The following CCSER1 variants were observed in gnomAD, a reference collection of about 807,000 sequenced individuals.
The protein encoded by CCSER1 is coiled-coil serine rich protein 1.
In CCSER1, 41 loss-of-function variants were observed where a neutral mutation model predicts 82.0. The observed-to-expected ratio is 0.50, with a 90% CI of 0.39 to 0.65. The LOEUF is 0.65. Ranked by LOEUF, CCSER1 falls within the 30% of genes least tolerant of loss-of-function variation. The probability of loss-of-function intolerance (pLI) is 0.00; values close to 1 mark genes in which losing one functional copy is unlikely to be tolerated. For synonymous variants in CCSER1, 414 were observed against 383.9 expected (o/e 1.08, Z -0.92); for missense variants, 1,119 against 1,064.2 (o/e 1.05, Z -0.72).
chr4:91,346,150 G>T (rs1748039393), intron 10 of CCSER1, among the ~76,000 whole-genome samples: 2 of 151,238 alleles, frequency 1.3e-5, no homozygotes, highest in Admixed American at 6.6e-5. Flanking sequence ...CAGCCTCCTT[G>T]GGACTACAGG....
chr4:91,250,689 G>A (rs900054851), intron 10 of CCSER1, among the ~76,000 whole-genome samples: 2 of 149,754 alleles, frequency 1.3e-5, no homozygotes, highest in African/African-American at 4.9e-5. Flanking sequence ...TGGTAGTTCT[G>A]TTCTCAGAGT....
intron 9 of CCSER1, among the ~76,000 whole-genome samples, chr4:91,071,167 T>C (rs1428062150): frequency 6.6e-6 from 1 of 152,212 alleles, no homozygotes; most frequent in Non-Finnish European, 1.5e-5. Flanking sequence ...CCTAGCATCA[T>C]GCACCAAGCA....
intron 9 of CCSER1, among the ~76,000 whole-genome samples, chr4:91,033,419 G>A (rs1741157685): frequency 1.3e-5 from 2 of 152,118 alleles, no homozygotes; most frequent in African/African-American, 2.4e-5. Context: ...CTCTTCCTTT[G>A]CACTCCAGTC....
chr4:90,352,022 C>T (rs1391669681), intron 3 of CCSER1, among the ~76,000 whole-genome samples: 1 of 152,124 alleles, frequency 6.6e-6, no homozygotes, highest in African/African-American at 2.4e-5. Context: ...TCTATGTTCT[C>T]ATTAAAAAAT....
At chr4:91,546,400 A>G (rs1307245191) in intron 10 of CCSER1, among the ~76,000 whole-genome samples, 1 of 151,946 alleles carries the variant, frequency 6.6e-6, no homozygotes, top group Non-Finnish European at 1.5e-5. Context: ...TTTTTTTGGA[A>G]TTTTATTTAT....
intron 10 of CCSER1, among the ~76,000 whole-genome samples, chr4:91,329,368 T>A (rs1350362040): frequency 1.3e-5 from 2 of 152,210 alleles, no homozygotes; most frequent in Admixed American, 6.5e-5. Context: ...GAATTCACAA[T>A]AAAATGTTAA....
chr4:91,095,808 A>G (rs1169102533), intron 10 of CCSER1, among the ~76,000 whole-genome samples: 3 of 151,812 alleles, frequency 2.0e-5, no homozygotes, highest in Non-Finnish European at 4.4e-5. Context: ...TAACCTCTCC[A>G]TATCTGGTCC....
intron 10 of CCSER1, among the ~76,000 whole-genome samples, chr4:91,220,637 C>T (rs897172995): frequency 3.3e-5 from 5 of 152,138 alleles, no homozygotes; most frequent in African/African-American, 7.2e-5. Context: ...AGTTCAACAA[C>T]GGTAGCAGTG....
intron 1 of CCSER1, among the ~76,000 whole-genome samples, chr4:90,237,334 G>A (rs570438412): frequency 2.8e-4 from 43 of 152,094 alleles, no homozygotes; most frequent in Middle Eastern, 3.4e-3. Flanking sequence ...TAATGTTTTC[G>A]TTTCCTTTTA....
At chr4:90,246,863 G>A (rs6822231) in intron 1 of CCSER1, among the ~76,000 whole-genome samples, 7,844 of 150,992 alleles carry the variant, frequency 0.052, 539 homozygotes, top group African/African-American at 0.16. Context: ...TCACTATAGG[G>A]TTTTTTTTTC....
chr4:91,530,004 T>C (rs995586745), intron 10 of CCSER1, among the ~76,000 whole-genome samples: 24 of 152,250 alleles, frequency 1.6e-4, no homozygotes, highest in African/African-American at 5.5e-4. Flanking sequence ...CACTGAAACT[T>C]GTGCAGATTT....
chr4:90,976,472 A>G (rs1481766558), intron 9 of CCSER1, among the ~76,000 whole-genome samples: 3 of 151,176 alleles, frequency 2.0e-5, no homozygotes, highest in African/African-American at 7.3e-5. Context: ...ATTTTAGGTC[A>G]AGCAGTTTGG....
At chr4:91,352,390 G>T (rs1748535161) in intron 10 of CCSER1, among the ~76,000 whole-genome samples, 1 of 152,150 alleles carries the variant, frequency 6.6e-6, no homozygotes, top group Non-Finnish European at 1.5e-5. Flanking sequence ...GGAACTACAG[G>T]CGTGTGCCAC....
intron 1 of CCSER1, among the ~76,000 whole-genome samples, chr4:90,138,959 A>G (rs1041080433): frequency 6.6e-6 from 1 of 152,234 alleles, no homozygotes; most frequent in Non-Finnish European, 1.5e-5. Flanking sequence ...GGCCCTATGC[A>G]TGTATCAGTT....
chr4:91,318,189 A>G (rs1037328980), intron 10 of CCSER1, among the ~76,000 whole-genome samples: 8 of 152,160 alleles, frequency 5.3e-5, no homozygotes, highest in Admixed American at 2.0e-4. Flanking sequence ...CTGAGTAAAC[A>G]AAGAAAGGAC....
intron 10 of CCSER1, among the ~76,000 whole-genome samples, chr4:91,480,783 T>A (rs1757864759): frequency 6.6e-6 from 1 of 152,182 alleles, no homozygotes; most frequent in Non-Finnish European, 1.5e-5. Flanking sequence ...TCTCCTAATT[T>A]TAAATGATAG....
chr4:90,326,144 C>G (rs548592158), intron 3 of CCSER1, among the ~76,000 whole-genome samples: 1 of 150,166 alleles, frequency 6.7e-6, no homozygotes, highest in African/African-American at 2.5e-5. Flanking sequence ...CTGCAAGCTC[C>G]GCCTCCCAGG....
At chr4:90,514,418 TTTAATAGATTATA>T in intron 5 of CCSER1, among the ~76,000 whole-genome samples, 1 of 152,254 alleles carries the variant, frequency 6.6e-6, no homozygotes, top group East Asian at 1.9e-4. Flanking sequence ...ATAGGACAAT[TTTAATAGATTATA>T]GCTATAGAAT....
intron 5 of CCSER1, among the ~76,000 whole-genome samples, chr4:90,548,096 G>A (rs1453258049): frequency 6.6e-6 from 1 of 151,918 alleles, no homozygotes; most frequent in Non-Finnish European, 1.5e-5. Flanking sequence ...GAATGGACAA[G>A]GGCAATCATT....
Sources: gnomAD v4.1 joint callset for allele counts (sites outside exome capture counted in the v4.1 genomes callset) on GRCh38, gnomAD v4.1.1 for gene constraint, MANE v1.5 for transcripts, NCBI Gene and HGNC (gene_info 2026-07-23, HGNC 2026-07-21) for gene names.